CSMD2: variants seen among roughly 807,000 people sequenced by gnomAD.
CSMD2 encodes the protein CUB and sushi domain-containing protein 2.
Under a neutral mutation model 398.5 loss-of-function variants are expected in CSMD2, and 130 were observed. The observed-to-expected ratio is 0.33, with a 90% CI of 0.28 to 0.38. CSMD2 has a LOEUF of 0.38. Among genes scored for constraint, CSMD2 ranks in the 10% least tolerant of loss-of-function variants. The pLI is 1.00. For synonymous variants in CSMD2, 1,828 were observed against 1,908.5 expected, an observed-to-expected ratio of 0.96 and a Z score of 1.10; for missense variants, 3,829 against 4,764.9, an observed-to-expected ratio of 0.80 and a Z score of 5.78.
At chr1:34,123,962 T>C (rs1172024080) in intron 1 of CSMD2, among the ~76,000 whole-genome samples, 1 of 152,198 alleles carries the variant, frequency 6.6e-6, no homozygotes, top group Non-Finnish European at 1.5e-5. Flanking sequence ...CACTACACTG[T>C]ACAGTCCCTT....
intron 5 of CSMD2, chr1:33,864,125 G>A (rs1258494104): frequency 1.4e-6 from 2 of 1,447,766 alleles, no homozygotes; most frequent in Non-Finnish European, 9.3e-7. Flanking sequence ...GATTGCTCCT[G>A]GAGTGTGGGA....
chr1:33,986,308 A>C (rs1327667867), intron 3 of CSMD2, among the ~76,000 whole-genome samples: 1 of 152,162 alleles, frequency 6.6e-6, no homozygotes, highest in Non-Finnish European at 1.5e-5. Flanking sequence ...CGCTGCTGAA[A>C]GCTTGCCTTC....
chr1:33,527,126 G>T, intron 65 of CSMD2, 70 bp downstream of exon 65: 2 of 1,374,790 alleles, frequency 1.5e-6, no homozygotes, highest in Non-Finnish European at 1.0e-6. Context: ...TCAGCAACAC[G>T]AGTTTTCTGG....
chr1:33,646,916 A>T (rs1287463917), intron 28 of CSMD2, 81 bp from the exon 29 acceptor site: 6 of 1,397,900 alleles, frequency 4.3e-6, no homozygotes, highest in Non-Finnish European at 9.7e-7. Flanking sequence ...CAACCAAAGC[A>T]TAGGGCCTCC....
At chr1:34,079,259 C>T (rs1021642550) in intron 2 of CSMD2, among the ~76,000 whole-genome samples, 1 of 152,026 alleles carries the variant, frequency 6.6e-6, no homozygotes, top group Non-Finnish European at 1.5e-5. Flanking sequence ...AGGTTCTAGA[C>T]AGCACAATCA....
intron 5 of CSMD2, among the ~76,000 whole-genome samples, chr1:33,916,955 T>A (rs1238236349): frequency 6.6e-6 from 1 of 152,038 alleles, no homozygotes; most frequent in African/African-American, 2.4e-5. Flanking sequence ...CTCCTTCCCA[T>A]CTTCCTCCTC....
At chr1:34,111,843 G>T (rs1349056579) in intron 1 of CSMD2, among the ~76,000 whole-genome samples, 1 of 152,112 alleles carries the variant, frequency 6.6e-6, no homozygotes, top group Non-Finnish European at 1.5e-5. Flanking sequence ...AGGCCTAAAA[G>T]AGCTGACCAG....
At chr1:33,718,505 T>C (rs1646248914) in intron 19 of CSMD2, among the ~76,000 whole-genome samples, 1 of 152,218 alleles carries the variant, frequency 6.6e-6, no homozygotes, top group Admixed American at 6.5e-5. Context: ...GTGTTGTGGA[T>C]GGTGCCAGGA....
At chr1:33,831,410 TA>T (rs1659540794) in intron 6 of CSMD2, among the ~76,000 whole-genome samples, 2 of 152,122 alleles carry the variant, frequency 1.3e-5, no homozygotes, top group Admixed American at 1.3e-4. Context: ...CCAGCCAAAC[TA>T]AGCTTCATAA....
chr1:34,065,030 C>G (rs914382525), intron 2 of CSMD2, among the ~76,000 whole-genome samples: 2 of 152,166 alleles, frequency 1.3e-5, no homozygotes, highest in African/African-American at 4.8e-5. Context: ...AGGTTTCTCC[C>G]ACAATATGTG....
In CSMD2 at chr1:33,770,990, C is replaced by T. The variant is rs181927619; in HGVS notation, c.1846+1579G>A. Among the ~76,000 whole-genome samples, 134 of 152,290 alleles carry T rather than the reference C, an allele frequency of 8.8e-4. 1 individual carries two copies. The East Asian group carries it at 0.019, about 21-fold the overall frequency. On this transcript the variant is annotated intron_variant, in intron 13 of 70. Transcript: ENST00000373381. ...CTCTTGGAGGGGTCAAGCAACAGTC[C>T]CTCAGCTGGCATTCTGCTACCTGCC...
intron 44 of CSMD2, among the ~76,000 whole-genome samples, chr1:33,590,294 ATTTTTT>A (rs56252015): frequency 5.4e-5 from 4 of 73,862 alleles, no homozygotes; most frequent in Admixed American, 1.8e-4. Context: ...GCTAATTAAA[ATTTTTT>A]TTTTTTTTTT....
intron 62 of CSMD2, among the ~76,000 whole-genome samples, chr1:33,534,457 C>T (rs1009256864): frequency 2.6e-5 from 4 of 152,124 alleles, no homozygotes; most frequent in African/African-American, 7.2e-5. Flanking sequence ...ATCTGTTGAA[C>T]GAACTGCCAC....
intron 13 of CSMD2, among the ~76,000 whole-genome samples, chr1:33,755,848 G>A (rs917525235): frequency 3.3e-5 from 5 of 150,398 alleles, no homozygotes; most frequent in Non-Finnish European, 4.4e-5. Context: ...GTGTGTGTGC[G>A]GGGGGAGGGG....
intron 20 of CSMD2, among the ~76,000 whole-genome samples, chr1:33,715,461 GCA>G (rs1164032585): frequency 6.6e-6 from 1 of 152,046 alleles, no homozygotes; most frequent in African/African-American, 2.4e-5. Flanking sequence ...CCTTCAGGAT[GCA>G]GTCCTCCAGG....
At chr1:34,157,418 T>A (rs76784851) in intron 1 of CSMD2, among the ~76,000 whole-genome samples, 1 of 151,978 alleles carries the variant, frequency 6.6e-6, no homozygotes, top group Non-Finnish European at 1.5e-5. Context: ...TATCTCCCAG[T>A]CTCTTGTTCC....
chr1:33,573,630 G>T (rs1276329840), intron 49 of CSMD2, among the ~76,000 whole-genome samples: 2 of 151,864 alleles, frequency 1.3e-5, no homozygotes, highest in African/African-American at 4.8e-5. Flanking sequence ...AGAAAAAAAA[G>T]AGACCGAAAA....
At chr1:33,782,824 C>T (rs965203597) in intron 12 of CSMD2, among the ~76,000 whole-genome samples, 8 of 152,036 alleles carry the variant, frequency 5.3e-5, no homozygotes, top group African/African-American at 1.7e-4. Context: ...TGGAGAACTT[C>T]GGATGTCATG....
chr1:33,565,673 T>G (rs1658992552), intron 53 of CSMD2, among the ~76,000 whole-genome samples: 1 of 152,128 alleles, frequency 6.6e-6, no homozygotes, highest in Non-Finnish European at 1.5e-5. Context: ...GAATTTCATC[T>G]GATGAAAACC....
Sources: gnomAD v4.1 joint callset for allele counts (sites outside exome capture counted in the v4.1 genomes callset) on GRCh38, gnomAD v4.1.1 for gene constraint, MANE v1.5 for transcripts, NCBI Gene and HGNC (gene_info 2026-07-23, HGNC 2026-07-21) for gene names.